KDM2B: variants seen among roughly 807,000 people sequenced by gnomAD.
KDM2B encodes the protein lysine demethylase 2B, also known as lysine-specific demethylase 2B.
KDM2B carries 26 observed loss-of-function variants against 150.0 expected under a neutral mutation model. The observed-to-expected ratio is 0.17, with a 90% CI of 0.13 to 0.24. The LOEUF (loss-of-function observed/expected upper bound fraction) is 0.24. Ranked by LOEUF, KDM2B falls within the 10% of genes least tolerant of loss-of-function variation. The pLI is 1.00. For missense variants in KDM2B, 1,265 were observed against 1,816.9 expected (o/e 0.70, Z 5.52); for synonymous variants, 734 against 729.5 (o/e 1.01, Z -0.10).
Position 121,521,179 on chromosome 12 carries a change from G to C in KDM2B, c.932-79C>G. On this transcript the variant is annotated intron_variant, in intron 8 of 22. Transcript: ENST00000377071. This position sits in a 1 kb window ranked among gnomAD's most constrained non-coding sequence, Gnocchi z 4.9. ...CACCTCACAAGGCTGCAGGGAGGGA[G>C]AGCGAGCGTGCAGGAGGGTGCAGGG... 3.1e-6 allele frequency: 3 copies of C among 983,408 alleles called. No individual in the cohort carries two copies. The highest frequency in any genetic ancestry group is 1.9e-5 in the Admixed American group (1 of 52,538). The allele number at this position is 983,408 out of a possible 1,614,324, so 60.9% of individuals were successfully genotyped here.
intron 22 of KDM2B, chr12:121,432,982 C>T (rs1301177456): frequency 1.9e-5 from 7 of 375,174 alleles, no homozygotes; most frequent in South Asian, 4.0e-5. Flanking sequence ...AGCTGTCAGA[C>T]GGCTGAGGGG....
intron 4 of KDM2B, among the ~76,000 whole-genome samples, chr12:121,567,726 T>C (rs1299946551): frequency 1.3e-5 from 2 of 149,460 alleles, no homozygotes; most frequent in Non-Finnish European, 3.0e-5. Context: ...TTTTTTTTTT[T>C]TTGAGACGGA....
chr12:121,428,899 G>T (rs1555284667), downstream of KDM2B, among the ~76,000 whole-genome samples: 1 of 152,202 alleles, frequency 6.6e-6, no homozygotes, highest in Admixed American at 6.5e-5. Context: ...AATTAATTCT[G>T]TGTGGTAAGA....
At position 121,444,019 on chromosome 12, in the gene KDM2B, C is replaced by T. The variant is rs782365269; in HGVS notation, c.2444G>A (p.Arg815His). Reference sequence around the variant, plus strand: ...GCCCCTCCTGGTCCGTACCCGCTTGCGTCCACTCAGCTCCTGGGGCTTCTC... The same window carrying T: ...GCCCCTCCTGGTCCGTACCCGCTTGTGTCCACTCAGCTCCTGGGGCTTCTC... ...KYEKPQELSG[R>H]KRASSLQTSP... is the part of the protein sequence containing the mutation. Residue 815 changes from arginine to histidine, a missense_variant, in exon 16 of 23, where the codon CGC becomes CAC. By Grantham distance (29) the Arg-to-His change is conservative (BLOSUM62 0). Around this residue, in one of 11 missense-constraint regions of KDM2B, gnomAD observed 418 missense variants for 402.4 expected, o/e 1.04. Transcript: ENST00000377071. The T allele has an allele frequency of 3.1e-5, 50 of 1,609,252 alleles. No individual in the cohort carries two copies. The highest frequency in any genetic ancestry group is 1.0e-4 in the Admixed American group (6 of 59,786).
rs1884525010 is a variant in KDM2B, at chr12:121,501,349, A to G, written c.1648-6684T>C. Among the ~76,000 whole-genome samples the G allele has an allele frequency of 2.6e-5, 4 of 152,062 alleles. No homozygotes were observed. The South Asian group carries it at 8.3e-4, about 32-fold the overall frequency. On this transcript the variant is annotated intron_variant, in intron 11 of 22. Transcript: ENST00000377071. ...AGCCAAGATCACGTCACTGCACTCC[A>G]TCCAGCCTGTGCCACAGAGCAAGAC...
At chr12:121,426,468 CAG>C (rs1207568602), downstream of KDM2B, among the ~76,000 whole-genome samples, 5 of 127,064 alleles carry the variant, frequency 3.9e-5, no homozygotes, top group Non-Finnish European at 3.2e-5. Context: ...TTTTTAAAGA[CAG>C]AGTCTTGCTG....
At chr12:121,441,304 A>T (rs976319566) in intron 19 of KDM2B, 71 bp from the exon 20 acceptor site, 2 of 1,468,584 alleles carry the variant, frequency 1.4e-6, no homozygotes, top group Non-Finnish European at 1.9e-6. Context: ...CACAGCTCTT[A>T]ACTGTCCCCA....
At chr12:121,481,763 T>TG (rs147027584) in intron 12 of KDM2B, among the ~76,000 whole-genome samples, 2 of 148,706 alleles carry the variant, frequency 1.3e-5, no homozygotes, top group African/African-American at 5.0e-5. Flanking sequence ...TTAGGGTTTT[T>TG]TTTGTTTGTT....
chr12:121,522,243 T>C (rs2141223830), intron 8 of KDM2B, among the ~76,000 whole-genome samples: 2 of 152,264 alleles, frequency 1.3e-5, no homozygotes, highest in East Asian at 1.9e-4. Context: ...TGGCCGGGCA[T>C]GGTGGCTCAC....
rs1463601709 is a variant in KDM2B, at chr12:121,452,685, C to A, written c.1959+435G>T. On this transcript the variant is annotated intron_variant, in intron 13 of 22. Transcript: ENST00000377071. The surrounding 1 kb of genome is among the most constrained non-coding windows in gnomAD (Gnocchi z 4.4). ...GCTGAGGCCAGGCGGTGTGGAGGGG[C>A]GGGCCAGGCTCTCCCGGGCGCGGCT... Among the ~76,000 whole-genome samples the A allele has an allele frequency of 6.6e-6, 1 of 152,222 alleles. No individual in the cohort carries two copies. The highest frequency in any genetic ancestry group is 1.5e-5 in the Non-Finnish European group (1 of 68,040).
intron 8 of KDM2B, among the ~76,000 whole-genome samples, chr12:121,531,574 C>T (rs1318547440): frequency 6.6e-6 from 1 of 152,224 alleles, no homozygotes; most frequent in Admixed American, 6.5e-5. Flanking sequence ...ACAGGGAGCT[C>T]ACTACCTAAC....
chr12:121,463,685 A>G (rs1374663480), intron 12 of KDM2B, among the ~76,000 whole-genome samples: 1 of 152,170 alleles, frequency 6.6e-6, no homozygotes, highest in African/African-American at 2.4e-5. Flanking sequence ...CGCTCAAGCA[A>G]TTCTCCCACC....
chr12:121,423,194 CTT>C, the KDM2B span, among the ~76,000 whole-genome samples: 2 of 152,182 alleles, frequency 1.3e-5, no homozygotes, highest in African/African-American at 4.8e-5. The surrounding 1 kb of genome is among the most constrained non-coding windows in gnomAD (Gnocchi z 4.3). Flanking sequence ...TGAGGTATAG[CTT>C]TTATCATTGC....
intron 12 of KDM2B, among the ~76,000 whole-genome samples, chr12:121,462,783 C>T (rs868989748): frequency 2.6e-5 from 4 of 152,140 alleles, no homozygotes; most frequent in South Asian, 4.1e-4. Context: ...TGAGCCACCG[C>T]GCCCGGCTGG....
intron 2 of KDM2B, among the ~76,000 whole-genome samples, chr12:121,578,088 C>T (rs74911677): frequency 0.03 from 4,495 of 152,284 alleles, 166 homozygotes; most frequent in East Asian, 0.19. Context: ...TTCAAACTGC[C>T]AGGGGACAGG....
chr12:121,544,156 G>C (rs1018263347), intron 6 of KDM2B, among the ~76,000 whole-genome samples: 1 of 146,834 alleles, frequency 6.8e-6, no homozygotes, highest in Non-Finnish European at 1.5e-5. Context: ...CACACCTATA[G>C]TCCTAGCTAC....
rs782364200 is a variant in KDM2B at position 121,430,018 on chromosome 12, T to A, written c.*270A>T. On this transcript the variant is annotated 3_prime_UTR_variant, in exon 23 of 23. Coordinates refer to ENST00000377071, the MANE Select transcript of KDM2B (RefSeq NM_032590.5). The surrounding 1 kb of genome is among the most constrained non-coding windows in gnomAD (Gnocchi z 4.4). ...ATGAGAATTTCTCCGAAGTCCACCC[T>A]CCTCTCCGACAGGAATGTCTTCTTG... The A allele has an allele frequency of 3.8e-6, 4 of 1,048,170 alleles. No homozygotes were observed. The highest frequency in any genetic ancestry group is 4.5e-6 in the Non-Finnish European group (3 of 664,538). 64.9% of individuals were successfully genotyped at this position (1,048,170 alleles called of 1,614,324 possible). A position where few individuals can be genotyped will look rare whatever the true frequency, so the allele number is the denominator to read the frequency against.
At chr12:121,436,378 G>A (rs1290344405) in intron 22 of KDM2B, among the ~76,000 whole-genome samples, 3 of 152,064 alleles carry the variant, frequency 2.0e-5, no homozygotes, top group Non-Finnish European at 2.9e-5. Flanking sequence ...AAAATTAGCT[G>A]GGCGTGGTGG....
intron 12 of KDM2B, among the ~76,000 whole-genome samples, chr12:121,466,846 C>T (rs1880051727): frequency 6.9e-6 from 1 of 145,802 alleles, no homozygotes; most frequent in Admixed American, 6.8e-5. Context: ...GGCAACTTGC[C>T]CCGGGCCGTG....
Sources: allele counts gnomAD v4.1 joint callset (sites outside exome capture counted in the v4.1 genomes callset), GRCh38; gene constraint gnomAD v4.1.1; regional missense constraint gnomAD v4.1.1; non-coding constraint Gnocchi (gnomAD v3.1); transcripts MANE v1.5; gene names NCBI Gene and HGNC (gene_info 2026-07-23, HGNC 2026-07-21).